EIPR1: variants seen among roughly 807,000 people sequenced by gnomAD.
The protein encoded by EIPR1 is EARP complex and GARP complex interacting protein 1.
Under a neutral mutation model 48.1 loss-of-function variants are expected in EIPR1, and 25 were observed. The ratio of observed to expected loss-of-function variants is 0.52; its 90% CI spans 0.38 to 0.73. The LOEUF is 0.73. EIPR1 is among the 30% of genes least tolerant of loss of function. The pLI, the probability that EIPR1 is intolerant of heterozygous loss-of-function variation, is 0.00. For synonymous variants in EIPR1, 204 were observed against 201.9 expected, an observed-to-expected ratio of 1.01 and a Z score of -0.09; for missense variants, 415 against 506.2, an observed-to-expected ratio of 0.82 and a Z score of 1.73.
chr2:3,320,118 TG>T, intron 3 of EIPR1: 1 of 173,740 alleles, frequency 5.8e-6, no homozygotes, highest in Non-Finnish European at 1.2e-5. Context: ...ACACCGCCCC[TG>T]GGGGCAACAC....
In EIPR1 at chr2:3,257,375, C is replaced by T; in HGVS notation, c.340G>A (p.Asp114Asn). 1 of 1,614,172 alleles carries T rather than the reference C, an allele frequency of 6.2e-7. No individual in the cohort carries two copies. Among genetic ancestry groups the T allele is most frequent in the Non-Finnish European group, 8.5e-7 (1 of 1,180,034 alleles). The change falls in exon 4 of 9, where the codon GAT (aspartate) becomes AAT (asparagine). Residue 114 changes from aspartate to asparagine, a missense_variant. Physicochemically the swap from Asp to Asn is conservative, Grantham distance 23 (BLOSUM62 1). Transcript: ENST00000382125. ...GTCTGTGCAGTGCTGGATGAATCAT[C>T]AGGGGACTCGTGGCTGCCTGATTCC... Reference protein sequence around the residue: ...ELESGSHESPDDSSSTAQTLE... With the variant: ...ELESGSHESPNDSSSTAQTLE...
chr2:3,350,179 G>A (rs2103369112), intron 2 of EIPR1, among the ~76,000 whole-genome samples: 1 of 147,466 alleles, frequency 6.8e-6, no homozygotes, highest in East Asian at 2.0e-4. Flanking sequence ...AAGAAAAGAG[G>A]TTTAATTGAC....
intron 3 of EIPR1, among the ~76,000 whole-genome samples, chr2:3,298,765 C>T (rs1387820861): frequency 1.3e-5 from 2 of 152,112 alleles, no homozygotes; most frequent in African/African-American, 4.8e-5. Context: ...AGGGAAGGAA[C>T]CCCCAACCAC....
chr2:3,326,401 C>T (rs1262729126), intron 3 of EIPR1, among the ~76,000 whole-genome samples: 1 of 152,168 alleles, frequency 6.6e-6, no homozygotes, highest in South Asian at 2.1e-4. Flanking sequence ...GCCCTCTCCA[C>T]TGCCCGATAC....
At chr2:3,231,165 C>T (rs1251263318) in intron 4 of EIPR1, among the ~76,000 whole-genome samples, 1 of 152,178 alleles carries the variant, frequency 6.6e-6, no homozygotes, top group African/African-American at 2.4e-5. Context: ...TGTCAGTATA[C>T]AGAAATGCAA....
At chr2:3,193,864 A>C in intron 7 of EIPR1, 135 bp downstream of exon 7, 2 of 938,394 alleles carry the variant, frequency 2.1e-6, no homozygotes, top group Non-Finnish European at 3.1e-6. Context: ...TTCTTTAGGA[A>C]AAATAAAACT....
At chr2:3,285,845 C>T (rs1247658985) in intron 3 of EIPR1, among the ~76,000 whole-genome samples, 7 of 100,722 alleles carry the variant, frequency 6.9e-5, no homozygotes, top group African/African-American at 1.3e-4. Flanking sequence ...CAGAAGTCAC[C>T]GACTGTCTCC....
At chr2:3,307,255 C>A (rs555377860) in intron 3 of EIPR1, among the ~76,000 whole-genome samples, 1 of 152,284 alleles carries the variant, frequency 6.6e-6, no homozygotes, top group South Asian at 2.1e-4. Flanking sequence ...AGCCACTGTG[C>A]CCAGCCCAAA....
rs1310553661 is a variant in EIPR1, at chr2:3,246,960, GGA to G, written c.416+10337_416+10338del. ...GGGAGGGAGAGAGGGAGGGAGACAGGGAGAGAGGGGAAGGAGGGAGGGAGGGA... is the reference window on the plus strand; with the variant it reads ...GGGAGGGAGAGAGGGAGGGAGACAGGGAGAGGGGAAGGAGGGAGGGAGGGA... On this transcript the variant is annotated intron_variant, in intron 4 of 8. Transcript: ENST00000382125. Among the ~76,000 whole-genome samples the G allele has an allele frequency of 3.3e-4, 18 of 54,912 alleles. 2 individuals carry two copies. Among genetic ancestry groups the G allele is most frequent in the Non-Finnish European group, 6.2e-4 (16 of 25,678 alleles). 36.0% of individuals were successfully genotyped at this position (54,912 alleles called of 152,430 possible).
chr2:3,192,431 G>A lies in EIPR1; in HGVS notation c.972C>T (p.Asp324=). 6.2e-7 allele frequency: 1 copy of A among 1,611,684 alleles called. No individual in the cohort carries two copies. The highest frequency in any genetic ancestry group is 1.1e-5 in the South Asian group (1 of 90,728). ...GCCCTTACTTCTCTTCAGAACGGTG[G>A]TCCTCCTGGTCACTGATGTCATCGT... ...VDDDDISDQE[D]HRSEEKSKEP... is the part of the protein sequence containing the mutation. The change falls in exon 8 of 9, where the codon GAC becomes GAT. Residue 324 remains aspartate (D), a synonymous_variant. Transcript: ENST00000382125.
In EIPR1 at chr2:3,209,072, G is replaced by A; in HGVS notation, c.516+5077C>T. ...GGGACGCCTGCTGGTGGGAAGGCAG[G>A]GTGTACACCCGTTCCATGTTTCTCT... is the stretch of plus-strand genomic sequence containing the variant. On this transcript the variant is annotated intron_variant, in intron 5 of 8. Transcript: ENST00000382125. 2.8e-6 allele frequency: 4 copies of A among 1,422,086 alleles called. No individual in the cohort carries two copies. In the South Asian group the frequency reaches 6.1e-5, roughly 22 times the overall value. The allele number at this position is 1,422,086 out of a possible 1,614,324, so 88.1% of individuals were successfully genotyped here.
At chr2:3,354,369 T>A (rs1670667783) in intron 2 of EIPR1, among the ~76,000 whole-genome samples, 181 bp downstream of exon 2, 1 of 152,180 alleles carries the variant, frequency 6.6e-6, no homozygotes, top group South Asian at 2.1e-4. Context: ...CTGAACACAG[T>A]CGATACATAT....
At chr2:3,371,203 C>T (rs570369099) in intron 1 of EIPR1, among the ~76,000 whole-genome samples, 1 of 152,258 alleles carries the variant, frequency 6.6e-6, no homozygotes, top group Admixed American at 6.5e-5. Context: ...GGTTTTGCCA[C>T]CACCAGGCCT....
At chr2:3,197,048 GAAGAA>G (rs780988612) in intron 5 of EIPR1, 31 bp from the exon 6 acceptor site, 1 of 1,610,934 alleles carries the variant, frequency 6.2e-7, no homozygotes, top group South Asian at 1.1e-5. Context: ...TCCAAAGGAA[GAAGAA>G]AAGAAGAAGA....
chr2:3,240,115 A>C (rs1177042955), intron 4 of EIPR1, among the ~76,000 whole-genome samples: 1 of 151,922 alleles, frequency 6.6e-6, no homozygotes, highest in Non-Finnish European at 1.5e-5. Context: ...GACCCTTCCT[A>C]AAGCAAAGCC....
chr2:3,266,236 G>A (rs970249182), intron 3 of EIPR1, among the ~76,000 whole-genome samples: 1 of 152,202 alleles, frequency 6.6e-6, no homozygotes, highest in Non-Finnish European at 1.5e-5. Flanking sequence ...TCCCCAGCTG[G>A]AGGAGGAGGA....
At position 3,240,203 on chromosome 2, in the gene EIPR1, A is replaced by C. The variant is rs1420979879; in HGVS notation, c.416+17096T>G. Among the ~76,000 whole-genome samples, 4 of 118,730 alleles carry C rather than the reference A, an allele frequency of 3.4e-5. No homozygotes were observed. In the Admixed American group the frequency reaches 3.5e-4, roughly 10 times the overall value. The allele number at this position is 118,730 out of a possible 152,430, so 77.9% of individuals were successfully genotyped here. On this transcript the variant is annotated intron_variant, in intron 4 of 8. Transcript: ENST00000382125. ...AGATCCTTCCTCAAGAAAAGCCAGC[A>C]GACTCTTCCTAAAGAAAGCAAAGCC...
chr2:3,369,938 G>A (rs911477018), intron 1 of EIPR1, among the ~76,000 whole-genome samples: 1 of 152,108 alleles, frequency 6.6e-6, no homozygotes, highest in Non-Finnish European at 1.5e-5. Context: ...GCCTCCTCAA[G>A]TGGGTCCTTG....
intron 5 of EIPR1, chr2:3,208,736 C>A (rs750926914): frequency 2.6e-6 from 4 of 1,548,598 alleles, no homozygotes; most frequent in Admixed American, 3.9e-5. Flanking sequence ...AGGCTCGTGG[C>A]GGGTCCTTCT....
Sources: gnomAD v4.1 joint callset for allele counts (sites outside exome capture counted in the v4.1 genomes callset) on GRCh38, gnomAD v4.1.1 for gene constraint, MANE v1.5 for transcripts, NCBI Gene and HGNC (gene_info 2026-07-23, HGNC 2026-07-21) for gene names.